Variants in ARID1A observed in about 807,000 individuals in gnomAD.
The protein encoded by ARID1A is AT-rich interactive domain-containing protein 1A.
Under a neutral mutation model 212.6 loss-of-function variants are expected in ARID1A, and 20 were observed. The observed-to-expected ratio is 0.09, with a 90% confidence interval of 0.07 to 0.14. The LOEUF is 0.14. Among genes scored for constraint, ARID1A ranks in the 10% least tolerant of loss-of-function variants. The pLI, the probability that ARID1A is intolerant of heterozygous loss-of-function variation, is 1.00. For synonymous variants in ARID1A, 1,376 were observed against 1,222.1 expected (o/e 1.13, Z -2.63); for missense variants, 2,587 against 3,059.0 (o/e 0.85, Z 3.64).
At chr1:26,703,187 A>G (rs2080347462) in intron 1 of ARID1A, among the ~76,000 whole-genome samples, 1 of 152,178 alleles carries the variant, frequency 6.6e-6, no homozygotes, top group Non-Finnish European at 1.5e-5. Flanking sequence ...CAAAGTCCAA[A>G]TATTTGGGGA....
chr1:26,729,986 A>T (rs1461611511), intron 2 of ARID1A, 123 bp downstream of exon 2: 9 of 1,204,394 alleles, frequency 7.5e-6, no homozygotes, highest in Non-Finnish European at 1.1e-5. Context: ...CTGTTGGCTC[A>T]GTTAATTACA....
At chr1:26,721,716 A>G (rs1209441998) in intron 1 of ARID1A, among the ~76,000 whole-genome samples, 1 of 152,194 alleles carries the variant, frequency 6.6e-6, no homozygotes, top group Admixed American at 6.5e-5. Context: ...CCCTGGATGA[A>G]GAGAGAAGGA....
At chr1:26,730,265 C>G (rs2080661452) in intron 2 of ARID1A, among the ~76,000 whole-genome samples, 1 of 152,128 alleles carries the variant, frequency 6.6e-6, no homozygotes, top group African/African-American at 2.4e-5. Flanking sequence ...AACATATCTG[C>G]CTTCTGGTTC....
chr1:26,720,608 T>C (rs1294822676), intron 1 of ARID1A, among the ~76,000 whole-genome samples: 2 of 152,152 alleles, frequency 1.3e-5, no homozygotes, highest in African/African-American at 4.8e-5. Flanking sequence ...CTGGGCGCAG[T>C]GGCTCATGCC....
At chr1:26,698,943 C>T (rs1194719352) in intron 1 of ARID1A, among the ~76,000 whole-genome samples, 2 of 152,110 alleles carry the variant, frequency 1.3e-5, no homozygotes, top group African/African-American at 4.8e-5. Flanking sequence ...CATGTTGAAT[C>T]TTGTTAACAC....
At chr1:26,707,305 T>A (rs1476136241) in intron 1 of ARID1A, among the ~76,000 whole-genome samples, 1 of 146,892 alleles carries the variant, frequency 6.8e-6, no homozygotes, top group Non-Finnish European at 1.5e-5. Context: ...GTCTCCCAGG[T>A]TCAAGTGATT....
At chr1:26,762,912 G>A (rs2124066887) in intron 7 of ARID1A, 61 bp from the exon 8 acceptor site, 1 of 1,418,042 alleles carries the variant, frequency 7.1e-7, no homozygotes, top group Non-Finnish European at 9.6e-7. Flanking sequence ...TTCTAGAGTT[G>A]AGAGATATTA....
At chr1:26,757,670 CTTTT>C (rs1321300154) in intron 4 of ARID1A, among the ~76,000 whole-genome samples, 29 of 146,842 alleles carry the variant, frequency 2.0e-4, no homozygotes, top group Admixed American at 1.7e-3. Flanking sequence ...ATAATCAAAA[CTTTT>C]TTTTTTTTCT....
intron 19 of ARID1A, 198 bp downstream of exon 19, chr1:26,775,905 C>T (rs1274447639): frequency 2.5e-6 from 2 of 799,806 alleles, no homozygotes; most frequent in Non-Finnish European, 4.2e-6. Context: ...ACATGATAAC[C>T]TTAACACAGG....
chr1:26,724,079 A>AT (rs992803346), intron 1 of ARID1A, among the ~76,000 whole-genome samples: 4 of 152,080 alleles, frequency 2.6e-5, no homozygotes, highest in South Asian at 2.1e-4. Context: ...CCAGGGATGC[A>AT]TTTTTTTAAT....
chr1:26,758,783 C>T (rs1422458242), intron 4 of ARID1A, among the ~76,000 whole-genome samples: 1 of 152,144 alleles, frequency 6.6e-6, no homozygotes, highest in East Asian at 1.9e-4. Flanking sequence ...TATGCTGGAA[C>T]GAATTCTCAT....
At chr1:26,712,324 T>C (rs1221774598) in intron 1 of ARID1A, among the ~76,000 whole-genome samples, 2 of 152,276 alleles carry the variant, frequency 1.3e-5, no homozygotes, top group Non-Finnish European at 2.9e-5. Context: ...TACTTCTTAG[T>C]GGCCAGTCTG....
At position 26,696,103 on chromosome 1, in the gene ARID1A, A is replaced by C; in HGVS notation, c.-301A>C. On this transcript the variant is annotated 5_prime_UTR_variant, in exon 1 of 20. Coordinates refer to ENST00000324856, the MANE Select transcript of ARID1A (RefSeq NM_006015.6). Reference sequence around the variant, plus strand: ...TCCACCGCCCCCCTCATTCCCAGGCAAGGGCTTGGGGGGAATGAGCCGGGA... The same window carrying C: ...TCCACCGCCCCCCTCATTCCCAGGCCAGGGCTTGGGGGGAATGAGCCGGGA... 2.2e-6 allele frequency: 1 copy of C among 453,388 alleles called. No homozygotes were observed. Among genetic ancestry groups the C allele is most frequent in the Non-Finnish European group, 3.1e-6 (1 of 324,774 alleles). The allele number at this position is 453,388 out of a possible 1,614,324, so 28.1% of individuals were successfully genotyped here. A position where few individuals can be genotyped will look rare whatever the true frequency, so the allele number is the denominator to read the frequency against.
At chr1:26,745,045 CAG>C (rs1405414488) in intron 4 of ARID1A, among the ~76,000 whole-genome samples, 1 of 152,142 alleles carries the variant, frequency 6.6e-6, no homozygotes, top group African/African-American at 2.4e-5. Flanking sequence ...AATACTGAGT[CAG>C]AGGATTTCTG....
chr1:26,757,804 G>C (rs1057086197), intron 4 of ARID1A, among the ~76,000 whole-genome samples: 2 of 152,092 alleles, frequency 1.3e-5, no homozygotes, highest in Admixed American at 6.5e-5. Context: ...GAGTACCTGG[G>C]ATTACAGGTG....
At chr1:26,778,914 C>G in intron 19 of ARID1A, 109 bp from the exon 20 acceptor site, 1 of 1,099,218 alleles carries the variant, frequency 9.1e-7, no homozygotes, top group Non-Finnish European at 1.3e-6. Context: ...AGGAGCAACT[C>G]TGCCTCTCCC....
Position 26,780,567 on chromosome 1 carries a change from T to G in ARID1A, c.6669T>G (p.Phe2223Leu), listed in dbSNP as rs766256065. The change falls in exon 20 of 20, where the codon TTT (phenylalanine) becomes TTG (leucine). Residue 2223 changes from phenylalanine (F) to leucine (L), a missense_variant. Physicochemically the swap from Phe to Leu is conservative, Grantham distance 22 (BLOSUM62 0). This residue lies in a region of ARID1A where 24 missense variants were observed against 16.5 expected (regional missense o/e 1.46). Coordinates refer to ENST00000324856, the MANE Select transcript of ARID1A (RefSeq NM_006015.6). The surrounding 1 kb of genome is among the most constrained non-coding windows in gnomAD (Gnocchi z 7.2). The part of the protein sequence containing the change: ...ASLLHMQNPP[F>L]EPTSVDMMRR... Reference sequence around the variant, plus strand: ...TCCTCCACATGCAGAACCCACCCTTTGAGCCAACTAGTGTGGACATGATGC... The same window carrying G: ...TCCTCCACATGCAGAACCCACCCTTGGAGCCAACTAGTGTGGACATGATGC... 6.2e-7 allele frequency: 1 copy of G among 1,614,112 alleles called. No homozygotes were observed. Among genetic ancestry groups the G allele is most frequent in the Non-Finnish European group, 8.5e-7 (1 of 1,179,944 alleles).
At chr1:26,700,507 G>A (rs867709000) in intron 1 of ARID1A, among the ~76,000 whole-genome samples, 3 of 152,196 alleles carry the variant, frequency 2.0e-5, no homozygotes, top group African/African-American at 7.2e-5. Flanking sequence ...CGGTACTGAT[G>A]AAATAGTTTT....
At chr1:26,715,942 C>G (rs541063328) in intron 1 of ARID1A, among the ~76,000 whole-genome samples, 10 of 151,936 alleles carry the variant, frequency 6.6e-5, no homozygotes, top group Non-Finnish European at 1.5e-4. Context: ...CGCGGTGGCT[C>G]ACGCCTGTAA....
Sources: gnomAD v4.1 joint callset for allele counts (sites outside exome capture counted in the v4.1 genomes callset) on GRCh38, gnomAD v4.1.1 for gene constraint, gnomAD v4.1.1 regional missense constraint, Gnocchi (gnomAD v3.1) non-coding constraint, MANE v1.5 for transcripts, NCBI Gene and HGNC (gene_info 2026-07-23, HGNC 2026-07-21) for gene names.